The following MCUB variants were observed in gnomAD, a reference collection of about 807,000 sequenced individuals.
The protein encoded by MCUB is mitochondrial calcium uniporter dominant negative subunit beta.
In MCUB, 46 loss-of-function variants were observed where a neutral mutation model predicts 41.4. The observed-to-expected ratio is 1.11, with a 90% CI of 0.88 to 1.42. The LOEUF (loss-of-function observed/expected upper bound fraction) is 1.42, where lower values mean the gene tolerates loss of function less well. Among genes scored for constraint, MCUB ranks in the 40% most tolerant of loss-of-function variants. MCUB has a pLI of 0.00. For missense variants in MCUB, 403 were observed against 404.9 expected (o/e 1.00, Z 0.04); for synonymous variants, 148 against 148.2 (o/e 1.00, Z 0.01).
At chr4:109,616,638 T>C (rs1291771442) in intron 1 of MCUB, among the ~76,000 whole-genome samples, 2 of 152,196 alleles carry the variant, frequency 1.3e-5, no homozygotes, top group Non-Finnish European at 2.9e-5. Context: ...GTCTTTCTTT[T>C]AAGAAATTTC....
At chr4:109,564,267 G>T (rs542780225) in intron 1 of MCUB, among the ~76,000 whole-genome samples, 72 of 152,222 alleles carry the variant, frequency 4.7e-4, no homozygotes, top group Non-Finnish European at 6.5e-4. Context: ...AAGTAGCTGG[G>T]ATTACAGGCA....
At chr4:109,611,298 C>A (rs1170258718) in intron 1 of MCUB, among the ~76,000 whole-genome samples, 1 of 152,180 alleles carries the variant, frequency 6.6e-6, no homozygotes, top group African/African-American at 2.4e-5. Flanking sequence ...TGGGCTGTAA[C>A]CATTTGACCC....
chr4:109,682,905 G>T (rs944422392), intron 5 of MCUB, 163 bp downstream of exon 5: 2 of 567,354 alleles, frequency 3.5e-6, no homozygotes, highest in African/African-American at 3.8e-5. Flanking sequence ...TCATTTTTCA[G>T]ATGAGGAAAC....
chr4:109,608,510 C>A (rs1219804547), intron 1 of MCUB, among the ~76,000 whole-genome samples: 1 of 143,432 alleles, frequency 7.0e-6, no homozygotes, highest in African/African-American at 2.5e-5. Context: ...TGTTTTGAGA[C>A]AGGGTCTCAT....
intron 7 of MCUB, among the ~76,000 whole-genome samples, chr4:109,685,874 T>G (rs1729827062): frequency 6.6e-6 from 1 of 152,222 alleles, no homozygotes; most frequent in African/African-American, 2.4e-5. Flanking sequence ...TTTTTCACAG[T>G]CTGCTTGTTA....
At chr4:109,678,446 G>A (rs537244972) in intron 4 of MCUB, among the ~76,000 whole-genome samples, 5 of 143,870 alleles carry the variant, frequency 3.5e-5, no homozygotes, top group East Asian at 2.1e-4. Context: ...ATGGGCGGGC[G>A]GGCAGAGACG....
chr4:109,576,448 A>C (rs1488958083), intron 1 of MCUB, among the ~76,000 whole-genome samples: 1 of 152,066 alleles, frequency 6.6e-6, no homozygotes. Flanking sequence ...GCAAATAAAC[A>C]TGAAAAGTGG....
At chr4:109,617,277 G>C (rs1728148443) in intron 1 of MCUB, among the ~76,000 whole-genome samples, 1 of 152,110 alleles carries the variant, frequency 6.6e-6, no homozygotes, top group African/African-American at 2.4e-5. Flanking sequence ...ATTTTGATAG[G>C]GCAATTTTTT....
chr4:109,593,385 G>A (rs1326971117), intron 1 of MCUB, among the ~76,000 whole-genome samples: 2 of 152,300 alleles, frequency 1.3e-5, no homozygotes, highest in Non-Finnish European at 2.9e-5. Context: ...CCATGGAGTT[G>A]GGGAAAGCAC....
intron 1 of MCUB, among the ~76,000 whole-genome samples, chr4:109,653,102 T>C (rs1233500602): frequency 6.6e-6 from 1 of 152,008 alleles, no homozygotes; most frequent in African/African-American, 2.4e-5. Context: ...TCAGGCTGGG[T>C]GTGGTGGCTC....
rs1726838847 is a variant in MCUB at position 109,568,698 on chromosome 4, A to G, written c.99+8262A>G. 2.6e-5 allele frequency among the ~76,000 whole-genome samples: 4 copies of G among 152,112 alleles called. No homozygotes were observed. In the South Asian group the frequency reaches 8.3e-4, roughly 31 times the overall value. ...GCCCCACAATACTTACAGAACTTAC[A>G]TCATTCGACCATACATTATAGTTAG... On this transcript the variant is annotated intron_variant, in intron 1 of 7. Transcript: ENST00000394650.
chr4:109,634,004 A>C (rs1196996853), intron 1 of MCUB, among the ~76,000 whole-genome samples: 1 of 151,608 alleles, frequency 6.6e-6, no homozygotes, highest in East Asian at 1.9e-4. Flanking sequence ...CCTAACTCTT[A>C]TTATTATAAA....
intron 1 of MCUB, among the ~76,000 whole-genome samples, chr4:109,590,813 C>T (rs757152383): frequency 1.9e-4 from 29 of 152,156 alleles, no homozygotes; most frequent in Non-Finnish European, 2.9e-4. Flanking sequence ...GCTTAGTATT[C>T]AGGGTTTATT....
intron 1 of MCUB, among the ~76,000 whole-genome samples, chr4:109,658,103 C>T (rs955395510): frequency 1.3e-5 from 2 of 152,220 alleles, no homozygotes; most frequent in Non-Finnish European, 2.9e-5. Flanking sequence ...GCTAGGATTA[C>T]AGGCGTGAGC....
chr4:109,643,418 C>T (rs1728765688), intron 1 of MCUB, among the ~76,000 whole-genome samples: 1 of 152,054 alleles, frequency 6.6e-6, no homozygotes, highest in Admixed American at 6.6e-5. Context: ...CTCCTGACCT[C>T]AAGTGATCCA....
chr4:109,571,685 G>T (rs966657538), intron 1 of MCUB, among the ~76,000 whole-genome samples: 16 of 152,228 alleles, frequency 1.1e-4, no homozygotes, highest in Non-Finnish European at 2.4e-4. Context: ...CAGTAGCTCT[G>T]CTCCACACAG....
At chr4:109,615,660 C>T (rs1317332705) in intron 1 of MCUB, among the ~76,000 whole-genome samples, 3 of 152,052 alleles carry the variant, frequency 2.0e-5, no homozygotes, top group Non-Finnish European at 2.9e-5. Context: ...CCGCCCGCCT[C>T]GGCCTCCCAA....
intron 4 of MCUB, among the ~76,000 whole-genome samples, chr4:109,679,817 T>TTGTTGTTG (rs1729676024): frequency 2.1e-5 from 3 of 145,990 alleles, no homozygotes; most frequent in African/African-American, 8.4e-5. Context: ...TGTTGTTGTT[T>TTGTTGTTG]TTGAGACAGA....
intron 7 of MCUB, among the ~76,000 whole-genome samples, 170 bp downstream of exon 7, chr4:109,685,537 C>A (rs1320512136): frequency 6.6e-6 from 1 of 152,082 alleles, no homozygotes; most frequent in Admixed American, 6.5e-5. Context: ...TTTCATATCC[C>A]AGTTTTACTC....
Sources: gnomAD v4.1 joint callset for allele counts (sites outside exome capture counted in the v4.1 genomes callset) on GRCh38, gnomAD v4.1.1 for gene constraint, MANE v1.5 for transcripts, NCBI Gene and HGNC (gene_info 2026-07-23, HGNC 2026-07-21) for gene names.